The following LIN52 variants were observed in gnomAD, a reference collection of about 807,000 sequenced individuals.
The protein encoded by LIN52 is lin-52 DREAM MuvB core complex component.
In LIN52, 4 loss-of-function variants were observed where a neutral mutation model predicts 18.5. That is an observed-to-expected ratio of 0.22 (90% CI 0.11 to 0.49). The LOEUF (loss-of-function observed/expected upper bound fraction) is 0.49, where lower values mean the gene tolerates loss of function less well. Ranked by LOEUF, LIN52 falls within the 20% of genes least tolerant of loss-of-function variation. LIN52 has a pLI of 0.97. For missense variants in LIN52, 102 were observed against 139.5 expected, an observed-to-expected ratio of 0.73 and a Z score of 1.35; for synonymous variants, 34 against 45.5, an observed-to-expected ratio of 0.75 and a Z score of 1.02.
intron 5 of LIN52, among the ~76,000 whole-genome samples, chr14:74,132,229 G>T (rs1233925958): frequency 6.6e-6 from 1 of 152,170 alleles, no homozygotes; most frequent in East Asian, 1.9e-4. Flanking sequence ...CAGGTCTTCT[G>T]ATTCTTAATC....
At chr14:74,155,674 T>C (rs2139559951) in intron 5 of LIN52, among the ~76,000 whole-genome samples, 1 of 152,312 alleles carries the variant, frequency 6.6e-6, no homozygotes, top group Non-Finnish European at 1.5e-5. Flanking sequence ...CCCAGGCAAA[T>C]TGGAGCCTTT....
At chr14:74,173,515 A>G (rs1475921322) in intron 5 of LIN52, among the ~76,000 whole-genome samples, 1 of 152,194 alleles carries the variant, frequency 6.6e-6, no homozygotes, top group Non-Finnish European at 1.5e-5. Flanking sequence ...CAGCAACATT[A>G]ATCTTTCACT....
At chr14:74,182,998 G>A in intron 5 of LIN52, among the ~76,000 whole-genome samples, 1 of 152,000 alleles carries the variant, frequency 6.6e-6, no homozygotes, top group African/African-American at 2.4e-5. Flanking sequence ...TATGTAATCT[G>A]TGTTTGATTC....
At chr14:74,130,278 G>GTTTGTTTTTTTTTTGTTTTTTTTTTTTTT (rs1555382571) in intron 5 of LIN52, among the ~76,000 whole-genome samples, 1 of 64,842 alleles carries the variant, frequency 1.5e-5, no homozygotes, top group African/African-American at 6.3e-5. Flanking sequence ...GCATTTTTTG[G>GTTTGTTTTTTTTTTGTTTTTTTTTTTTTT]TTTTTTTTTT....
chr14:74,131,986 A>T (rs1196928433), intron 5 of LIN52, among the ~76,000 whole-genome samples: 2 of 152,242 alleles, frequency 1.3e-5, no homozygotes, highest in African/African-American at 2.4e-5. Context: ...TTACCTAAAG[A>T]CAGCTACAAA....
intron 5 of LIN52, among the ~76,000 whole-genome samples, chr14:74,138,486 T>C (rs1249881621): frequency 6.6e-6 from 1 of 152,216 alleles, no homozygotes; most frequent in African/African-American, 2.4e-5. Context: ...CAGTTTTGTT[T>C]GCTAAGGTGT....
intron 5 of LIN52, chr14:74,114,527 A>T: frequency 4.6e-6 from 3 of 651,628 alleles, no homozygotes; most frequent in African/African-American, 2.0e-5. Context: ...AGCTGAAATT[A>T]GAGCTTACCA....
At chr14:74,117,624 G>C (rs1269231182) in intron 5 of LIN52, among the ~76,000 whole-genome samples, 1 of 152,056 alleles carries the variant, frequency 6.6e-6, no homozygotes, top group Admixed American at 6.6e-5. Flanking sequence ...GAAATAAATT[G>C]GCATTTTTCT....
intron 5 of LIN52, among the ~76,000 whole-genome samples, chr14:74,191,779 A>C (rs1205127066): frequency 6.6e-6 from 1 of 151,822 alleles, no homozygotes; most frequent in Non-Finnish European, 1.5e-5. Flanking sequence ...GACTACAGGC[A>C]CCCACCACCA....
At chr14:74,137,299 T>G (rs2061103146) in intron 5 of LIN52, among the ~76,000 whole-genome samples, 1 of 144,044 alleles carries the variant, frequency 6.9e-6, no homozygotes, top group Non-Finnish European at 1.5e-5. Flanking sequence ...AGGATAGTTT[T>G]CTATATAATA....
At chr14:74,137,303 T>C (rs2061103190) in intron 5 of LIN52, among the ~76,000 whole-genome samples, 1 of 143,372 alleles carries the variant, frequency 7.0e-6, no homozygotes, top group South Asian at 2.7e-4. Context: ...TAGTTTTCTA[T>C]ATAATATTAT....
At chr14:74,191,790 C>G (rs12896058) in intron 5 of LIN52, among the ~76,000 whole-genome samples, 1 of 151,966 alleles carries the variant, frequency 6.6e-6, no homozygotes, top group Non-Finnish European at 1.5e-5. Context: ...CCCACCACCA[C>G]GCCTGGCTAA....
chr14:74,111,454 GAT>G (rs1491559151), intron 5 of LIN52, among the ~76,000 whole-genome samples: 2 of 102,944 alleles, frequency 1.9e-5, no homozygotes, highest in East Asian at 9.9e-4. Flanking sequence ...ATGCCTGACT[GAT>G]TTTTTTTTTT....
intron 3 of LIN52, among the ~76,000 whole-genome samples, chr14:74,096,392 T>G (rs777858168): frequency 1.7e-4 from 26 of 152,028 alleles, no homozygotes; most frequent in Non-Finnish European, 3.1e-4. Context: ...GAGGTCTCAC[T>G]ATATTTCCCA....
chr14:74,134,280 TC>T, intron 5 of LIN52, among the ~76,000 whole-genome samples: 1 of 152,362 alleles, frequency 6.6e-6, no homozygotes, highest in African/African-American at 2.4e-5. Context: ...TCAGTGACTG[TC>T]CTGTTTTACA....
chr14:74,133,965 A>G (rs2061083000), intron 5 of LIN52, among the ~76,000 whole-genome samples: 2 of 152,208 alleles, frequency 1.3e-5, no homozygotes, highest in African/African-American at 4.8e-5. Flanking sequence ...CATGTAGTTA[A>G]GAAATGATTA....
At chr14:74,158,141 GTC>G (rs1213639665) in intron 5 of LIN52, among the ~76,000 whole-genome samples, 1 of 144,656 alleles carries the variant, frequency 6.9e-6, no homozygotes, top group African/African-American at 2.6e-5. Context: ...TTGAGATAGA[GTC>G]TCCCTCTGTT....
chr14:74,157,870 T>A (rs1043140900), intron 5 of LIN52, among the ~76,000 whole-genome samples: 1 of 152,132 alleles, frequency 6.6e-6, no homozygotes, highest in African/African-American at 2.4e-5. Context: ...GGATTTCCTA[T>A]GGAAGAACAA....
At chr14:74,128,261 G>A (rs1389196544) in intron 5 of LIN52, among the ~76,000 whole-genome samples, 2 of 152,154 alleles carry the variant, frequency 1.3e-5, no homozygotes, top group African/African-American at 4.8e-5. Flanking sequence ...AGCTGAGAGT[G>A]TGGAGAGGCC....
Sources: gnomAD v4.1 joint callset for allele counts (sites outside exome capture counted in the v4.1 genomes callset) on GRCh38, gnomAD v4.1.1 for gene constraint, MANE v1.5 for transcripts, NCBI Gene and HGNC (gene_info 2026-07-23, HGNC 2026-07-21) for gene names.